Variants in CMC1 observed in about 807,000 individuals in gnomAD.
The protein encoded by CMC1 is C-X9-C motif containing 1, also known as COX assembly mitochondrial protein homolog.
Under a neutral mutation model 14.1 loss-of-function variants are expected in CMC1, and 14 were observed. The ratio of observed to expected loss-of-function variants is 0.99; its 90% CI spans 0.66 to 1.55. CMC1 has a LOEUF of 1.55. CMC1 is among the 40% of genes most tolerant of loss of function. The pLI, the probability that CMC1 is intolerant of heterozygous loss-of-function variation, is 0.00. For missense variants in CMC1, 127 were observed against 123.8 expected, an observed-to-expected ratio of 1.03 and a Z score of -0.12; for synonymous variants, 50 against 38.4, an observed-to-expected ratio of 1.30 and a Z score of -1.12.
At chr3:28,319,486 A>T in intron 3 of CMC1, 23 bp from the exon 4 acceptor site, 4 of 1,571,548 alleles carry the variant, frequency 2.5e-6, no homozygotes, top group Non-Finnish European at 2.6e-6. Flanking sequence ...TTACTTGAAA[A>T]TATTTTCATT....
chr3:28,255,439 T>G (rs1419128781), intron 1 of CMC1, among the ~76,000 whole-genome samples: 3 of 151,260 alleles, frequency 2.0e-5, no homozygotes, highest in Non-Finnish European at 4.4e-5. Context: ...AGAGACAGAG[T>G]TTCATCATAT....
At chr3:28,290,121 A>T (rs1701392874) in intron 2 of CMC1, among the ~76,000 whole-genome samples, 1 of 151,870 alleles carries the variant, frequency 6.6e-6, no homozygotes, top group East Asian at 1.9e-4. Flanking sequence ...TACTTCCCCC[A>T]CCTTTTCTCT....
At chr3:28,306,342 T>G (rs1418586938) in intron 2 of CMC1, among the ~76,000 whole-genome samples, 1 of 152,142 alleles carries the variant, frequency 6.6e-6, no homozygotes, top group Non-Finnish European at 1.5e-5. Context: ...TTCATTTGTT[T>G]CATCTGTGAT....
At chr3:28,316,870 A>G (rs1394710915) in intron 3 of CMC1, 1 of 152,226 alleles carries the variant, frequency 6.6e-6, no homozygotes, top group Non-Finnish European at 1.5e-5. Flanking sequence ...GTAAATTTAG[A>G]TTTTTGAAGT....
intron 3 of CMC1, 62 bp downstream of exon 3, chr3:28,316,485 C>G (rs1702931027): frequency 4.6e-6 from 4 of 878,780 alleles, no homozygotes; most frequent in Non-Finnish European, 5.3e-6. Flanking sequence ...GAGTATGTTA[C>G]TTAACTCATT....
intron 2 of CMC1, among the ~76,000 whole-genome samples, chr3:28,277,560 A>C (rs72897871): frequency 0.029 from 4,435 of 152,244 alleles, 218 homozygotes; most frequent in African/African-American, 0.097. Flanking sequence ...AAGAAAAATA[A>C]ATTTTGATAA....
rs796366617 is a variant in CMC1, at chr3:28,304,224, T to C, written c.110-12109T>C. On this transcript the variant is annotated intron_variant, in intron 2 of 3. Transcript: ENST00000466830. The stretch of plus-strand genomic sequence containing the variant: ...AAAATACATCTTATTTAACCTAATA[T>C]ATCAAAAATAATATCTTTTTAACAT... Among the ~76,000 whole-genome samples the C allele has an allele frequency of 1.2e-4, 19 of 152,234 alleles. No homozygotes were observed. The East Asian group carries it at 3.1e-3, about 25-fold the overall frequency.
chr3:28,258,713 G>A (rs1004638997), intron 1 of CMC1, among the ~76,000 whole-genome samples: 28 of 146,006 alleles, frequency 1.9e-4, no homozygotes, highest in African/African-American at 6.2e-4. Context: ...TCTGCCTCCC[G>A]GGTTCATGCC....
rs772710014 is a variant in CMC1, at chr3:28,319,555, A to C, written c.247A>C (p.Lys83Gln). The change falls in exon 4 of 4, where the codon AAG becomes CAG. Residue 83 changes from lysine (K) to glutamine (Q), a missense_variant. Lys to Gln is a moderately conservative substitution (Grantham distance 53). Coordinates refer to ENST00000466830, the MANE Select transcript of CMC1 (RefSeq NM_182523.2). ...FYEECKMEYL[K>Q]EREEFRKTGI... ...TGAAGAATGCAAAATGGAATACCTG[A>C]AGGAAAGGGAAGAATTCAGAAAAAC... is the stretch of plus-strand genomic sequence containing the variant. 111 of 1,607,220 alleles carry C rather than the reference A, an allele frequency of 6.9e-5. 1 individual carries two copies. In the South Asian group the frequency reaches 1.2e-3, roughly 17 times the overall value.
chr3:28,258,614 A>ATTTT (rs61323375), intron 1 of CMC1, among the ~76,000 whole-genome samples: 64 of 99,130 alleles, frequency 6.5e-4, no homozygotes, highest in African/African-American at 1.9e-3. Context: ...GTATTTCTGG[A>ATTTT]TTTTTTTTTT....
intron 2 of CMC1, 97 bp from the exon 3 acceptor site, chr3:28,316,236 G>A (rs1702906495): frequency 4.8e-6 from 3 of 623,452 alleles, no homozygotes; most frequent in Non-Finnish European, 8.0e-6. Context: ...TGGGTGACAG[G>A]CTTTCTTTTT....
rs774547992 is a variant in CMC1, at chr3:28,321,721, T to C, written c.*2092T>C. The C allele has an allele frequency of 1.1e-4, 17 of 151,464 alleles. No homozygotes were observed. The highest frequency in any genetic ancestry group is 2.4e-4 in the Non-Finnish European group (16 of 67,520). The allele number at this position is 151,464 out of a possible 1,614,324, so 9.4% of individuals were successfully genotyped here. On this transcript the variant is annotated 3_prime_UTR_variant, in exon 4 of 4. Transcript: ENST00000466830. Reference sequence around the variant, plus strand: ...CTTCAAGTCTGAATTTTCCCATTTATTTTGGTTTTCTAATGTTTCACATAG... The same window carrying C: ...CTTCAAGTCTGAATTTTCCCATTTACTTTGGTTTTCTAATGTTTCACATAG...
intron 2 of CMC1, chr3:28,316,130 G>A (rs1015569854): frequency 6.7e-5 from 25 of 370,386 alleles, no homozygotes; most frequent in Non-Finnish European, 1.1e-4. Context: ...TGGTGTACAT[G>A]TCTTTTGTTG....
chr3:28,287,709 G>A (rs1184906039), intron 2 of CMC1, among the ~76,000 whole-genome samples: 1 of 151,410 alleles, frequency 6.6e-6, no homozygotes, highest in Non-Finnish European at 1.5e-5. Flanking sequence ...TATTTTTACC[G>A]TTATATTGAG....
intron 2 of CMC1, among the ~76,000 whole-genome samples, chr3:28,274,220 C>T (rs61175676): frequency 0.3 from 32,282 of 108,476 alleles, 4,912 homozygotes; most frequent in East Asian, 0.51. Flanking sequence ...TTGTTTTTTT[C>T]TTTTTTTTTT....
At chr3:28,318,144 T>C (rs1703017063) in intron 3 of CMC1, 1 of 151,948 alleles carries the variant, frequency 6.6e-6, no homozygotes. Context: ...ACTATTGACA[T>C]TTCCATGAAA....
chr3:28,301,021 G>T (rs1702017475), intron 2 of CMC1, among the ~76,000 whole-genome samples: 1 of 147,512 alleles, frequency 6.8e-6, no homozygotes, highest in Non-Finnish European at 1.5e-5. Flanking sequence ...CTATCAGTGT[G>T]CTATTTTTTT....
At chr3:28,302,080 G>C (rs1048003742) in intron 2 of CMC1, among the ~76,000 whole-genome samples, 6 of 152,176 alleles carry the variant, frequency 3.9e-5, no homozygotes, top group African/African-American at 1.2e-4. Flanking sequence ...TCTAGAACAA[G>C]ACAGCTGGTC....
intron 2 of CMC1, among the ~76,000 whole-genome samples, chr3:28,278,732 A>T (rs1305252674): frequency 6.6e-6 from 1 of 152,152 alleles, no homozygotes; most frequent in African/African-American, 2.4e-5. Context: ...AGAGTAAATT[A>T]CCTATTCGGT....
Sources: gnomAD v4.1 joint callset for allele counts (sites outside exome capture counted in the v4.1 genomes callset) on GRCh38, gnomAD v4.1.1 for gene constraint, MANE v1.5 for transcripts, NCBI Gene and HGNC (gene_info 2026-07-23, HGNC 2026-07-21) for gene names.